CEP89: variants seen among roughly 807,000 people sequenced by gnomAD.
CEP89 encodes centrosomal protein of 89 kDa.
Under a neutral mutation model 97.6 loss-of-function variants are expected in CEP89, and 95 were observed. The observed-to-expected ratio is 0.97, with a 90% CI of 0.82 to 1.15. The LOEUF (loss-of-function observed/expected upper bound fraction) is 1.15, where lower values mean the gene tolerates loss of function less well. CEP89 is among the 50% of genes most tolerant of loss of function. CEP89 has a pLI of 0.00. For synonymous variants in CEP89, 354 were observed against 349.1 expected, an observed-to-expected ratio of 1.01 and a Z score of -0.16; for missense variants, 869 against 947.7, an observed-to-expected ratio of 0.92 and a Z score of 1.09.
intron 18 of CEP89, among the ~76,000 whole-genome samples, chr19:32,879,997 G>C (rs1442273041): frequency 6.6e-6 from 1 of 152,236 alleles, no homozygotes; most frequent in African/African-American, 2.4e-5. Context: ...GGGATGGGGA[G>C]GCCCTGAGGG....
chr19:32,949,375 G>A (rs1416748688), intron 4 of CEP89, among the ~76,000 whole-genome samples: 1 of 151,914 alleles, frequency 6.6e-6, no homozygotes, highest in Non-Finnish European at 1.5e-5. Context: ...AAAGAACAGT[G>A]AAGCAGGTCT....
At chr19:32,879,912 CA>C (rs1004856142) in intron 18 of CEP89, among the ~76,000 whole-genome samples, 104 of 152,302 alleles carry the variant, frequency 6.8e-4, no homozygotes, top group African/African-American at 2.4e-3. Context: ...AAGAGCGAGT[CA>C]GGGGGTGAGG....
chr19:32,879,790 C>T (rs1242772193), intron 18 of CEP89, among the ~76,000 whole-genome samples: 1 of 152,236 alleles, frequency 6.6e-6, no homozygotes, highest in Non-Finnish European at 1.5e-5. Context: ...GCACGATGGC[C>T]TGGCCACAGG....
At chr19:32,897,620 C>A (rs1243823419) in intron 16 of CEP89, among the ~76,000 whole-genome samples, 2 of 152,070 alleles carry the variant, frequency 1.3e-5, no homozygotes, top group African/African-American at 4.8e-5. Context: ...TGTTCTATCA[C>A]CCAGGCTGGA....
At chr19:32,955,086 G>T (rs919043286) in intron 3 of CEP89, among the ~76,000 whole-genome samples, 2 of 152,116 alleles carry the variant, frequency 1.3e-5, no homozygotes, top group African/African-American at 2.4e-5. Flanking sequence ...CCCAGCTCAA[G>T]TGATCCTCCT....
rs113325124 is a variant in CEP89 at position 32,879,237 on chromosome 19, G to A, written c.2277C>T (p.Gly759=). The A allele has an allele frequency of 1.5e-5, 25 of 1,614,202 alleles. No homozygotes were observed. The African/African-American group carries it at 1.7e-4, about 11-fold the overall frequency. Residue 759 remains glycine, a synonymous_variant, in exon 19 of 19, where the codon GGC becomes GGT. Transcript: ENST00000305768. ...CGTCCAGCAGGTCTGCCTGAGAGACGCCATTGAGGCTGGGGGCAACCAGAG... is the reference window on the plus strand; with the variant it reads ...CGTCCAGCAGGTCTGCCTGAGAGACACCATTGAGGCTGGGGGCAACCAGAG... ...PRALVAPSLN[G]VSQADLLDGC...
rs1970785547 is a variant in CEP89 at position 32,945,807 on chromosome 19, TTTAATTTTTTGGGTGGCCAGCAACATGCA to T, written c.595+2430_595+2458del. ...TGGGATTTCATGCGCAGATCCTTTC[TTTAATTTTTTGGGTGGCCAGCAACATGCA>T]GTACCTCCCCATGGTGGCTTCTCCT... On this transcript the variant is annotated intron_variant, in intron 5 of 18. Coordinates refer to ENST00000305768, the MANE Select transcript of CEP89 (RefSeq NM_032816.5). Among the ~76,000 whole-genome samples the T allele has an allele frequency of 3.3e-5, 5 of 152,198 alleles. No homozygotes were observed. The South Asian group carries it at 1.0e-3, about 32-fold the overall frequency.
intron 14 of CEP89, among the ~76,000 whole-genome samples, chr19:32,909,128 C>T (rs2145898749): frequency 6.6e-6 from 1 of 152,274 alleles, no homozygotes; most frequent in East Asian, 1.9e-4. Context: ...TTTGCTTTTA[C>T]TATTTTCTAG....
chr19:32,907,172 C>T (rs1969904632), intron 14 of CEP89, among the ~76,000 whole-genome samples: 1 of 152,308 alleles, frequency 6.6e-6, no homozygotes, highest in South Asian at 2.1e-4. Flanking sequence ...CCAACCTGGG[C>T]AACACAGCAA....
At chr19:32,909,692 T>G (rs912622131) in intron 14 of CEP89, among the ~76,000 whole-genome samples, 11 of 152,180 alleles carry the variant, frequency 7.2e-5, no homozygotes, top group African/African-American at 2.7e-4. Flanking sequence ...CTGAAAGATA[T>G]ATTTGAGGAA....
Position 32,881,969 on chromosome 19 carries a change from G to T in CEP89, c.2010C>A (p.His670Gln). ...AGTCCTCCTGCTGCTCCAGCAGACG[G>T]TGACTGATGTCCCCCAGCTTCAGTG... The part of the protein sequence containing the change: ...QAALKLGDIS[H>Q]RLLEQQEDFA... Residue 670 changes from histidine to glutamine, a missense_variant, in exon 18 of 19, where the codon CAC becomes CAA. Transcript: ENST00000305768. 6.3e-7 allele frequency: 1 copy of T among 1,588,466 alleles called. No homozygotes were observed. Among genetic ancestry groups the T allele is most frequent in the Non-Finnish European group, 8.6e-7 (1 of 1,167,644 alleles).
intron 17 of CEP89, among the ~76,000 whole-genome samples, chr19:32,886,948 G>C (rs1969410186): frequency 6.7e-6 from 1 of 148,242 alleles, no homozygotes; most frequent in Non-Finnish European, 1.5e-5. Context: ...GGCCGAGTCA[G>C]GCAGATCACT....
chr19:32,932,927 G>T (rs1970505473), intron 8 of CEP89, among the ~76,000 whole-genome samples: 1 of 152,118 alleles, frequency 6.6e-6, no homozygotes, highest in South Asian at 2.1e-4. Context: ...TCCAACCTAG[G>T]TGACAAGAGT....
At chr19:32,901,673 G>C (rs569922839) in intron 14 of CEP89, among the ~76,000 whole-genome samples, 2 of 151,998 alleles carry the variant, frequency 1.3e-5, no homozygotes, top group Non-Finnish European at 2.9e-5. Flanking sequence ...TGTTGCCCAG[G>C]CTGGAGTGCA....
rs769272835 is a variant in CEP89, at chr19:32,901,324, G to A, written c.1654C>T (p.Leu552=). The A allele has an allele frequency of 1.8e-5, 29 of 1,614,030 alleles. No individual in the cohort carries two copies. Among genetic ancestry groups the A allele is most frequent in the Non-Finnish European group, 2.1e-5 (25 of 1,180,018 alleles). ...GTCAAACTGTTCTTCTCTAACAGCAGGCTCTTCTTCTGCGCTTGCAGGACT... is the reference window on the plus strand; with the variant it reads ...GTCAAACTGTTCTTCTCTAACAGCAAGCTCTTCTTCTGCGCTTGCAGGACT... ...LTVLQAQKKS[L]LLEKNSLTEQ... The change falls in exon 15 of 19, where the codon CTG becomes TTG. Residue 552 remains leucine, a synonymous_variant. Coordinates refer to ENST00000305768, the MANE Select transcript of CEP89 (RefSeq NM_032816.5).
intron 14 of CEP89, among the ~76,000 whole-genome samples, chr19:32,908,397 G>A (rs182888266): frequency 1.8e-4 from 27 of 152,260 alleles, no homozygotes; most frequent in East Asian, 1.7e-3. Context: ...GCTCAGAGTC[G>A]ATAGATGGGT....
intron 9 of CEP89, 48 bp from the exon 10 acceptor site, chr19:32,927,032 G>A (rs201001961): frequency 1.3e-6 from 2 of 1,490,608 alleles, no homozygotes; most frequent in African/African-American, 1.4e-5. Flanking sequence ...CACTTCCTCT[G>A]AATTTTCAAG....
Position 32,968,358 on chromosome 19 carries a change from C to T in CEP89, c.40-1892G>A, listed in dbSNP as rs570668258. Among the ~76,000 whole-genome samples, 4 of 152,352 alleles carry T rather than the reference C, an allele frequency of 2.6e-5. No individual in the cohort carries two copies. The East Asian group carries it at 7.7e-4, about 29-fold the overall frequency. On this transcript the variant is annotated intron_variant, in intron 1 of 18. Coordinates refer to ENST00000305768, the MANE Select transcript of CEP89 (RefSeq NM_032816.5). ...CCACCTCCTGGGTTCAAGCTATTCT[C>T]ATGCCTCAGCCTCCCAAGTAGCTAG... is the stretch of plus-strand genomic sequence containing the variant.
intron 5 of CEP89, 86 bp from the exon 6 acceptor site, chr19:32,939,971 C>A: frequency 1.5e-6 from 1 of 682,124 alleles, no homozygotes; most frequent in Non-Finnish European, 2.6e-6. Flanking sequence ...AGAAATTCAC[C>A]TTCTACAGAG....
Sources: allele counts gnomAD v4.1 joint callset (sites outside exome capture counted in the v4.1 genomes callset), GRCh38; gene constraint gnomAD v4.1.1; transcripts MANE v1.5; gene names NCBI Gene and HGNC (gene_info 2026-07-23, HGNC 2026-07-21).